The following PCDHGA2 variants were observed in gnomAD, a reference collection of about 807,000 sequenced individuals.
PCDHGA2 encodes protocadherin gamma-A2.
A neutral mutation model predicts 59.2 loss-of-function variants in PCDHGA2; 40 were observed. The observed-to-expected ratio is 0.68, with a 90% CI of 0.52 to 0.88. The LOEUF (loss-of-function observed/expected upper bound fraction) is 0.88. PCDHGA2 is among the 40% of genes least tolerant of loss of function. The probability of loss-of-function intolerance (pLI) is 0.00; values close to 1 mark genes in which losing one functional copy is unlikely to be tolerated. For missense variants in PCDHGA2, 1,226 were observed against 1,204.0 expected, an observed-to-expected ratio of 1.02 and a Z score of -0.27; for synonymous variants, 560 against 526.0, an observed-to-expected ratio of 1.06 and a Z score of -0.89.
Position 141,491,417 on chromosome 5 carries a change from G to A in PCDHGA2, c.2425-3390G>A, listed in dbSNP as rs200843744. 5 of 1,613,988 alleles carry A rather than the reference G, an allele frequency of 3.1e-6. No homozygotes were observed. The highest frequency in any genetic ancestry group is 1.1e-5 in the South Asian group (1 of 91,092). Reference sequence around the variant, plus strand: ...CAGGGAAACGCAGACGGGGACGGGGGTGGAGGGCAGTGCTGCAGGCGCCAG... The same window carrying A: ...CAGGGAAACGCAGACGGGGACGGGGATGGAGGGCAGTGCTGCAGGCGCCAG... On this transcript the variant is annotated intron_variant, in intron 1 of 3. Transcript: ENST00000394576. The surrounding 1 kb of genome is among the most constrained non-coding windows in gnomAD (Gnocchi z 6.9).
In PCDHGA2 at chr5:141,356,315, A is replaced by G. The variant is rs748014079; in HGVS notation, c.2424+14920A>G. 1.7e-5 allele frequency: 27 copies of G among 1,554,222 alleles called. No homozygotes were observed. The highest frequency in any genetic ancestry group is 1.9e-5 in the Non-Finnish European group (22 of 1,148,376). On this transcript the variant is annotated intron_variant, in intron 1 of 3. Coordinates refer to ENST00000394576, the MANE Select transcript of PCDHGA2 (RefSeq NM_018915.4). ...ACAGTAATTGCACTTTTCAACGTGC[A>G]TGACAGTGACTCAGGAGGAAATGGC...
rs1588447312 is a variant in PCDHGA2 at position 141,339,857 on chromosome 5, T to G, written c.886T>G (p.Ser296Ala). Reference protein sequence around the residue: ...GETSEVFELKSTSGELTIIKD... With the variant: ...GETSEVFELKATSGELTIIKD... ...AACCTCAGAGGTATTTGAGCTTAAG[T>G]CAACATCTGGAGAACTGACAATCAT... Residue 296 changes from serine (S) to alanine (A), a missense_variant, in exon 1 of 4, where the codon TCA (serine) becomes GCA (alanine). Coordinates refer to ENST00000394576, the MANE Select transcript of PCDHGA2 (RefSeq NM_018915.4). 6.2e-7 allele frequency: 1 copy of G among 1,614,156 alleles called. No individual in the cohort carries two copies. The highest frequency in any genetic ancestry group is 8.5e-7 in the Non-Finnish European group (1 of 1,180,012).
intron 1 of PCDHGA2, chr5:141,408,896 GT>G: frequency 6.2e-7 from 1 of 1,613,328 alleles, no homozygotes; most frequent in Non-Finnish European, 8.5e-7. Context: ...AGAAATTTCT[GT>G]CAAGGATACC....
intron 1 of PCDHGA2, chr5:141,341,614 G>A: frequency 1.1e-6 from 1 of 919,268 alleles, no homozygotes; most frequent in Non-Finnish European, 1.6e-6. Context: ...TAAACCAGGA[G>A]TTAATAGATA....
intron 1 of PCDHGA2, chr5:141,421,223 C>T: frequency 6.3e-7 from 1 of 1,580,314 alleles, no homozygotes. Context: ...GGCTTAGAGC[C>T]TGCCATGGCG....
chr5:141,409,481 A>G (rs1589715212), intron 1 of PCDHGA2: 1 of 1,613,968 alleles, frequency 6.2e-7, no homozygotes, highest in Non-Finnish European at 8.5e-7. Context: ...AGCCACTGAC[A>G]GGGGCAAGCC....
At chr5:141,501,290 TACACACACACACACAC>T (rs55762287) in intron 2 of PCDHGA2, among the ~76,000 whole-genome samples, 7 of 136,164 alleles carry the variant, frequency 5.1e-5, no homozygotes, top group South Asian at 2.4e-4. Context: ...TATTCCCTTA[TACACACACACACACAC>T]ACACACACAC....
At chr5:141,378,101 A>C (rs1018772587) in intron 1 of PCDHGA2, 21 of 152,208 alleles carry the variant, frequency 1.4e-4, no homozygotes, top group Admixed American at 1.0e-3. Flanking sequence ...TCAAACTCTA[A>C]AGCAGCATAG....
At chr5:141,394,050 G>GA (rs2092909261) in intron 1 of PCDHGA2, 4 of 1,613,594 alleles carry the variant, frequency 2.5e-6, no homozygotes, top group Non-Finnish European at 3.4e-6. Context: ...TTTGGACCGA[G>GA]AAAATGTCTC....
At chr5:141,475,819 G>A (rs1232669115) in intron 1 of PCDHGA2, 4 of 350,114 alleles carry the variant, frequency 1.1e-5, no homozygotes, top group Non-Finnish European at 1.6e-5. Context: ...GAAGTTCCTG[G>A]CGCTAGCGCG....
rs749252261 is a variant in PCDHGA2 at position 141,366,393 on chromosome 5, A to C, written c.2424+24998A>C. ...ACCCCCATTGACCCTGAGGATCTGG[A>C]CCTCACACTCTATCTTGTGGTGGCA... On this transcript the variant is annotated intron_variant, in intron 1 of 3. Transcript: ENST00000394576. 11 of 1,614,004 alleles carry C rather than the reference A, an allele frequency of 6.8e-6. 1 individual carries two copies. Among genetic ancestry groups the C allele is most frequent in the African/African-American group, 4.0e-5 (3 of 74,938 alleles).
intron 1 of PCDHGA2, among the ~76,000 whole-genome samples, chr5:141,448,169 A>C (rs1418273084): frequency 6.6e-6 from 1 of 152,014 alleles, no homozygotes; most frequent in Non-Finnish European, 1.5e-5. Flanking sequence ...GATCACTACT[A>C]TTCATCCCTG....
In PCDHGA2 at chr5:141,511,224, G is replaced by T. The variant is rs752401867; in HGVS notation, c.*51G>T. On this transcript the variant is annotated 3_prime_UTR_variant, in exon 4 of 4. Coordinates refer to ENST00000394576, the MANE Select transcript of PCDHGA2 (RefSeq NM_018915.4). ...GGGCGGCCTCTCCCCAACCAGCCCA[G>T]CTTCTCCTTACCTGCACCCAGGCCT... is the stretch of plus-strand genomic sequence containing the variant. 44 of 1,603,158 alleles carry T rather than the reference G, an allele frequency of 2.7e-5. No individual in the cohort carries two copies. Among genetic ancestry groups the T allele is most frequent in the Non-Finnish European group, 3.6e-5 (42 of 1,174,924 alleles).
In PCDHGA2 at chr5:141,351,808, C is replaced by T. The variant is rs186558249; in HGVS notation, c.2424+10413C>T. 8,386 of 1,613,306 alleles carry T rather than the reference C, an allele frequency of 5.2e-3. 46 individuals are homozygous for T. Among genetic ancestry groups the T allele is most frequent in the Admixed American group, 9.5e-3 (569 of 60,020 alleles). The stretch of plus-strand genomic sequence containing the variant: ...GGGTGGTGTTCGCGCAGCGCGCCTT[C>T]GACCACGAGCAGCTGCGCGCCTTCG... On this transcript the variant is annotated intron_variant, in intron 1 of 3. Coordinates refer to ENST00000394576, the MANE Select transcript of PCDHGA2 (RefSeq NM_018915.4).
intron 1 of PCDHGA2, among the ~76,000 whole-genome samples, chr5:141,492,438 G>C (rs2099740636): frequency 6.6e-6 from 1 of 152,236 alleles, no homozygotes; most frequent in Non-Finnish European, 1.5e-5. Flanking sequence ...AGGAGTACTC[G>C]TAGCTGATTG....
intron 1 of PCDHGA2, chr5:141,441,758 C>T: frequency 2.6e-6 from 1 of 382,050 alleles, no homozygotes. Context: ...TCAACGTGAG[C>T]CTGCGCGTGT....
chr5:141,384,835 G>A (rs1390926308), intron 1 of PCDHGA2: 2 of 1,613,468 alleles, frequency 1.2e-6, no homozygotes, highest in East Asian at 2.2e-5. Flanking sequence ...CGTGGTGGCC[G>A]TCCAGGACCA....
chr5:141,408,801 T>C, intron 1 of PCDHGA2: 1 of 1,613,142 alleles, frequency 6.2e-7, no homozygotes, highest in Admixed American at 1.7e-5. Context: ...GAGAAACTCC[T>C]AGACCGGGAA....
chr5:141,497,239 G>A (rs2099775226), intron 2 of PCDHGA2, among the ~76,000 whole-genome samples: 1 of 152,104 alleles, frequency 6.6e-6, no homozygotes, highest in Admixed American at 6.5e-5. Flanking sequence ...AAGGCTTCTA[G>A]GAGGAGGTGA....
Sources: gnomAD v4.1 joint callset for allele counts (sites outside exome capture counted in the v4.1 genomes callset) on GRCh38, gnomAD v4.1.1 for gene constraint, Gnocchi (gnomAD v3.1) non-coding constraint, MANE v1.5 for transcripts, NCBI Gene and HGNC (gene_info 2026-07-23, HGNC 2026-07-21) for gene names.